The following NUP153 variants were observed in gnomAD, a reference collection of about 807,000 sequenced individuals.
NUP153 encodes the protein nucleoporin 153.
A neutral mutation model predicts 134.6 loss-of-function variants in NUP153; 27 were observed. The observed-to-expected ratio is 0.20, with a 90% CI of 0.15 to 0.28. The LOEUF (loss-of-function observed/expected upper bound fraction) is 0.28. Ranked by LOEUF, NUP153 falls within the 10% of genes least tolerant of loss-of-function variation. NUP153 has a pLI of 1.00. For missense variants in NUP153, 1,821 were observed against 1,731.3 expected (o/e 1.05, Z -0.92); for synonymous variants, 640 against 623.5 (o/e 1.03, Z -0.40).
chr6:17,651,573 G>T (rs1766494895), intron 11 of NUP153, among the ~76,000 whole-genome samples: 1 of 152,096 alleles, frequency 6.6e-6, no homozygotes, highest in Non-Finnish European at 1.5e-5. Context: ...AACATGGACA[G>T]GCTCAAAGTA....
intron 17 of NUP153, among the ~76,000 whole-genome samples, chr6:17,631,053 A>C (rs1765226993): frequency 6.6e-6 from 1 of 152,208 alleles, no homozygotes; most frequent in Non-Finnish European, 1.5e-5. Context: ...TGAACCAGAA[A>C]GCACAAACTT....
At position 17,675,119 on chromosome 6, in the gene NUP153, C is replaced by G; in HGVS notation, c.724-86G>C. 1 of 1,547,358 alleles carries G rather than the reference C, an allele frequency of 6.5e-7. No individual in the cohort carries two copies. Among genetic ancestry groups the G allele is most frequent in the Non-Finnish European group, 8.8e-7 (1 of 1,136,050 alleles). On this transcript the variant is annotated intron_variant, in intron 4 of 21. Coordinates refer to ENST00000262077, the MANE Select transcript of NUP153 (RefSeq NM_005124.4). The surrounding 1 kb of genome is among the most constrained non-coding windows in gnomAD (Gnocchi z 4.4). ...TGAGTTAAGATCATGCTGCTACACA[C>G]TCAAGCCTGGGCAACAGCAAAAGAC...
intron 8 of NUP153, 107 bp from the exon 9 acceptor site, chr6:17,665,492 A>T: frequency 1.2e-6 from 1 of 823,360 alleles, no homozygotes; most frequent in Non-Finnish European, 1.9e-6. Context: ...AGTATTTCCC[A>T]GAGAAATATA....
intron 5 of NUP153, among the ~76,000 whole-genome samples, chr6:17,670,276 G>A (rs999026811): frequency 8.6e-5 from 13 of 152,000 alleles, no homozygotes; most frequent in African/African-American, 3.1e-4. Context: ...AAACAGGAAA[G>A]CAAGTACAAC....
At chr6:17,679,256 T>G (rs1768426756) in intron 2 of NUP153, among the ~76,000 whole-genome samples, 1 of 151,964 alleles carries the variant, frequency 6.6e-6, no homozygotes, top group East Asian at 1.9e-4. Flanking sequence ...ATGAACAATC[T>G]GAAAAGTAAG....
intron 14 of NUP153, among the ~76,000 whole-genome samples, chr6:17,644,019 A>G (rs1766000476): frequency 6.6e-6 from 1 of 152,158 alleles, no homozygotes; most frequent in African/African-American, 2.4e-5. Context: ...ATTCCTTATT[A>G]ATTTCTATTA....
intron 5 of NUP153, among the ~76,000 whole-genome samples, chr6:17,671,794 G>T (rs1274633291): frequency 1.3e-5 from 2 of 152,206 alleles, no homozygotes; most frequent in East Asian, 1.9e-4. Context: ...GATCACCTGA[G>T]GTCAGGAGTT....
intron 1 of NUP153, among the ~76,000 whole-genome samples, chr6:17,704,998 C>A (rs1283193687): frequency 6.6e-6 from 1 of 152,192 alleles, no homozygotes; most frequent in Non-Finnish European, 1.5e-5. Context: ...CCTCGGTGAT[C>A]CACCCGCCTC....
intron 8 of NUP153, among the ~76,000 whole-genome samples, chr6:17,667,805 C>T (rs1457596312): frequency 6.6e-6 from 1 of 152,174 alleles, no homozygotes; most frequent in Non-Finnish European, 1.5e-5. Flanking sequence ...AAAGATACCT[C>T]TTTAACCCAA....
In NUP153 at chr6:17,632,642, G is replaced by C; in HGVS notation, c.2659+8C>G. ...CCATCACCTTTATTTTTATTTTTTT[G>C]GCCTTACCTTTAAACCCAGATTTTG... On this transcript the variant is annotated splice_region_variant and intron_variant, in intron 17 of 21. Transcript: ENST00000262077. 1 of 1,572,078 alleles carries C rather than the reference G, an allele frequency of 6.4e-7. No individual in the cohort carries two copies. The highest frequency in any genetic ancestry group is 2.3e-5 in the East Asian group (1 of 43,974).
chr6:17,643,675 T>G (rs1327583343), intron 14 of NUP153, among the ~76,000 whole-genome samples: 1 of 152,176 alleles, frequency 6.6e-6, no homozygotes, highest in Non-Finnish European at 1.5e-5. Context: ...CACAAAGTAA[T>G]CATGACTTCC....
At chr6:17,642,001 T>C (rs976830253) in intron 14 of NUP153, among the ~76,000 whole-genome samples, 2 of 152,356 alleles carry the variant, frequency 1.3e-5, no homozygotes, top group Non-Finnish European at 2.9e-5. Context: ...TTTTTCTTTT[T>C]AAGTGTTTGC....
At chr6:17,636,446 C>T (rs1240417035) in intron 16 of NUP153, among the ~76,000 whole-genome samples, 1 of 151,832 alleles carries the variant, frequency 6.6e-6, no homozygotes, top group South Asian at 2.1e-4. Flanking sequence ...AGGTTAGTAA[C>T]TCAGAGCTGT....
At chr6:17,695,917 G>A (rs1411460742) in intron 1 of NUP153, among the ~76,000 whole-genome samples, 2 of 152,136 alleles carry the variant, frequency 1.3e-5, no homozygotes, top group South Asian at 4.1e-4. Context: ...GCTGAGGCAG[G>A]AGAATGGCGT....
chr6:17,694,417 C>T lies in NUP153; in HGVS notation c.112-5799G>A, dbSNP rs539599020. 7.9e-5 allele frequency among the ~76,000 whole-genome samples: 12 copies of T among 152,118 alleles called. No individual in the cohort carries two copies. In the South Asian group the frequency reaches 8.3e-4, roughly 11 times the overall value. On this transcript the variant is annotated intron_variant, in intron 1 of 21. Coordinates refer to ENST00000262077, the MANE Select transcript of NUP153 (RefSeq NM_005124.4). The stretch of plus-strand genomic sequence containing the variant: ...CTCACGCCTGTAATCCCAGCACTTC[C>T]GGAGGCCGACGCGGGCGGATTACCT...
At chr6:17,645,092 A>G (rs1048781242) in intron 14 of NUP153, among the ~76,000 whole-genome samples, 1 of 151,896 alleles carries the variant, frequency 6.6e-6, no homozygotes, top group Non-Finnish European at 1.5e-5. Flanking sequence ...CTCACAATTA[A>G]AAGAAAAAAA....
Position 17,637,542 on chromosome 6 carries a change from G to A in NUP153, c.2075C>T (p.Ala692Val). The A allele has an allele frequency of 5.0e-6, 8 of 1,614,168 alleles. No homozygotes were observed. The highest frequency in any genetic ancestry group is 6.8e-6 in the Non-Finnish European group (8 of 1,180,028). Residue 692 changes from alanine to valine, a missense_variant, in exon 16 of 22, where the codon GCT becomes GTT. Ala to Val is a moderately conservative substitution (Grantham distance 64). Coordinates refer to ENST00000262077, the MANE Select transcript of NUP153 (RefSeq NM_005124.4). ...TGGTGTTTCAATTCCAGTCTGTTTA[G>A]CAGTATCTCTGGGTGACAATTTTGC... ...QAAKLSPRDT[A>V]KQTGIETPNK...
chr6:17,665,257 T>C lies in NUP153; in HGVS notation c.1197A>G (p.Arg399=). 6.2e-7 allele frequency: 1 copy of C among 1,606,626 alleles called. No individual in the cohort carries two copies. Among genetic ancestry groups the C allele is most frequent in the Non-Finnish European group, 8.5e-7 (1 of 1,173,290 alleles). The change falls in exon 9 of 22, where the codon AGA becomes AGG. Residue 399 remains arginine (R), a synonymous_variant. Transcript: ENST00000262077. ...TACTCACACTGCACTTGTTATCTATTCTTTGATTAGTCTTCCTGAATTCAC... is the reference window on the plus strand; with the variant it reads ...TACTCACACTGCACTTGTTATCTATCCTTTGATTAGTCTTCCTGAATTCAC... ...PSGEFRKTNQ[R]IDNKCSTGYE...
At chr6:17,653,240 G>T (rs1391644796) in intron 11 of NUP153, among the ~76,000 whole-genome samples, 2 of 152,088 alleles carry the variant, frequency 1.3e-5, no homozygotes, top group African/African-American at 4.8e-5. Context: ...GCGACAGAGC[G>T]AGGCTCCATC....
Sources: gnomAD v4.1 joint callset for allele counts (sites outside exome capture counted in the v4.1 genomes callset) on GRCh38, gnomAD v4.1.1 for gene constraint, Gnocchi (gnomAD v3.1) non-coding constraint, MANE v1.5 for transcripts, NCBI Gene and HGNC (gene_info 2026-07-23, HGNC 2026-07-21) for gene names.